Variants in LRIG1 observed in about 807,000 individuals in gnomAD.
The protein encoded by LRIG1 is leucine-rich repeats and immunoglobulin-like domains protein 1.
In LRIG1, 48 loss-of-function variants were observed where a neutral mutation model predicts 99.2. That is an observed-to-expected ratio of 0.48 (90% confidence interval 0.38 to 0.62). LRIG1 has a LOEUF of 0.62. LRIG1 is among the 20% of genes least tolerant of loss of function. The pLI, the probability that LRIG1 is intolerant of heterozygous loss-of-function variation, is 0.00. For synonymous variants in LRIG1, 772 were observed against 596.1 expected, an observed-to-expected ratio of 1.29 and a Z score of -4.30; for missense variants, 1,646 against 1,434.4, an observed-to-expected ratio of 1.15 and a Z score of -2.38.
In LRIG1 at chr3:66,500,291, C is replaced by T; in HGVS notation, c.117G>A (p.Ala39=). Residue 39 remains alanine, a synonymous_variant, in exon 1 of 19, where the codon GCG becomes GCA. Coordinates refer to ENST00000273261, the MANE Select transcript of LRIG1 (RefSeq NM_015541.3). The part of the protein sequence containing the change: ...EPVTAAAGPR[A]PCAAACTCAG... ...CGCAAGTGCAGGCGGCCGCGCAGGG[C>T]GCCCGCGGGCCGGCCGCGGCGGTCA... is the stretch of plus-strand genomic sequence containing the variant. 1.4e-6 allele frequency: 2 copies of T among 1,473,730 alleles called. No individual in the cohort carries two copies. The highest frequency in any genetic ancestry group is 1.8e-6 in the Non-Finnish European group (2 of 1,118,364). The allele number at this position is 1,473,730 out of a possible 1,614,324, so 91.3% of individuals were successfully genotyped here.
intron 3 of LRIG1, among the ~76,000 whole-genome samples, chr3:66,436,446 T>A (rs897479412): frequency 2.6e-5 from 4 of 152,198 alleles, no homozygotes; most frequent in Non-Finnish European, 5.9e-5. Context: ...TCGGCTTGCT[T>A]TGGCATTTGC....
intron 1 of LRIG1, among the ~76,000 whole-genome samples, chr3:66,477,831 T>C (rs565050454): frequency 1.5e-5 from 2 of 136,258 alleles, no homozygotes; most frequent in Admixed American, 7.7e-5. Flanking sequence ...AATAAAGCCT[T>C]CTCCAGCAAC....
chr3:66,440,264 C>G (rs1045156237), intron 3 of LRIG1, among the ~76,000 whole-genome samples: 5 of 152,150 alleles, frequency 3.3e-5, no homozygotes, highest in African/African-American at 1.2e-4. Context: ...TTTGATTTAA[C>G]TGCCCTGAGA....
In LRIG1 at chr3:66,410,174, C is replaced by T. The variant is rs373112316; in HGVS notation, c.890G>A (p.Arg297His). 10 of 1,613,926 alleles carry T rather than the reference C, an allele frequency of 6.2e-6. No homozygotes were observed. The highest frequency in any genetic ancestry group is 1.6e-4 in the Middle Eastern group (1 of 6,074). ...GAAGCTCCAGCCCTTGCGGTGAATG[C>T]GAGCGATGGAATTGTTGCTGAGGTG... is the stretch of plus-strand genomic sequence containing the variant. The part of the protein sequence containing the change: ...QLHLSNNSIA[R>H]IHRKGWSFCQ... The change falls in exon 7 of 19, where the codon CGC becomes CAC. Residue 297 changes from arginine to histidine, a missense_variant. Physicochemically the swap from Arg to His is conservative, Grantham distance 29. Transcript: ENST00000273261.
At chr3:66,419,249 C>T (rs1702724153) in intron 3 of LRIG1, among the ~76,000 whole-genome samples, 1 of 152,168 alleles carries the variant, frequency 6.6e-6, no homozygotes, top group Admixed American at 6.5e-5. Flanking sequence ...CAGTTCTGTC[C>T]TCTCCCCACC....
chr3:66,441,685 A>G (rs1703545680), intron 3 of LRIG1, among the ~76,000 whole-genome samples: 1 of 152,218 alleles, frequency 6.6e-6, no homozygotes, highest in Non-Finnish European at 1.5e-5. Context: ...AGTATCATCG[A>G]AGCCTCTGGG....
At chr3:66,441,012 C>T (rs1703519398) in intron 3 of LRIG1, among the ~76,000 whole-genome samples, 1 of 152,144 alleles carries the variant, frequency 6.6e-6, no homozygotes, top group Admixed American at 6.5e-5. Flanking sequence ...CTTTGTCCTA[C>T]CGCTACGTGG....
At chr3:66,493,476 C>T (rs188893016) in intron 1 of LRIG1, among the ~76,000 whole-genome samples, 15 of 152,304 alleles carry the variant, frequency 9.8e-5, no homozygotes, top group South Asian at 4.1e-4. Context: ...ACATGAGGTT[C>T]ACTTGTGGCA....
intron 5 of LRIG1, among the ~76,000 whole-genome samples, chr3:66,414,350 T>C (rs1702557335): frequency 6.6e-6 from 1 of 151,532 alleles, no homozygotes; most frequent in Non-Finnish European, 1.5e-5. Flanking sequence ...TGAGCTGAGA[T>C]CACACCACTG....
At chr3:66,496,448 G>C (rs1337668574) in intron 1 of LRIG1, among the ~76,000 whole-genome samples, 1 of 152,138 alleles carries the variant, frequency 6.6e-6, no homozygotes, top group Non-Finnish European at 1.5e-5. Flanking sequence ...CTCAAAAAAA[G>C]TTGTCAGAGA....
chr3:66,407,280 A>C (rs1372249915), intron 8 of LRIG1, 68 bp downstream of exon 8: 32 of 1,547,340 alleles, frequency 2.1e-5, no homozygotes, highest in African/African-American at 5.4e-5. Flanking sequence ...TCAACAAAGC[A>C]GATGGTTTGC....
chr3:66,399,845 G>A (rs1701993109), intron 9 of LRIG1, among the ~76,000 whole-genome samples: 1 of 152,222 alleles, frequency 6.6e-6, no homozygotes, highest in African/African-American at 2.4e-5. Flanking sequence ...CTTCCCAAAA[G>A]AGGCAAGAAG....
intron 1 of LRIG1, chr3:66,469,040 C>T (rs577531366): frequency 8.5e-5 from 13 of 152,188 alleles, no homozygotes; most frequent in African/African-American, 2.9e-4. Flanking sequence ...ACTGAACAAG[C>T]GGATAATGCA....
intron 3 of LRIG1, among the ~76,000 whole-genome samples, chr3:66,449,950 C>G (rs538514704): frequency 3.8e-4 from 58 of 152,170 alleles, no homozygotes; most frequent in Non-Finnish European, 7.6e-4. Context: ...CTAACAAGCT[C>G]GAAGCTAACT....
chr3:66,417,144 G>A lies in LRIG1; in HGVS notation c.488C>T (p.Pro163Leu), dbSNP rs146856805. ...EVRNTCFPHG[P>L]PIKELNLAGN... ...AGGCACTTACAGCTCCTTTATAGGC[G>A]GTCCGTGTGGAAAGCAGGTGTTCCG... The change falls in exon 4 of 19, where the codon CCG (proline) becomes CTG (leucine). Residue 163 changes from proline (P) to leucine (L), a missense_variant. Coordinates refer to ENST00000273261, the MANE Select transcript of LRIG1 (RefSeq NM_015541.3). 130 of 1,614,116 alleles carry A rather than the reference G, an allele frequency of 8.1e-5. 1 individual carries two copies. Among genetic ancestry groups the A allele is most frequent in the Non-Finnish European group, 4.4e-5 (52 of 1,179,992 alleles).
chr3:66,400,182 C>T (rs1702003040), intron 9 of LRIG1, among the ~76,000 whole-genome samples: 1 of 152,246 alleles, frequency 6.6e-6, no homozygotes, highest in African/African-American at 2.4e-5. Context: ...AAAGTCTGCG[C>T]CCCTGCAGAA....
At chr3:66,402,720 C>G (rs148386366) in intron 9 of LRIG1, among the ~76,000 whole-genome samples, 1 of 152,182 alleles carries the variant, frequency 6.6e-6, no homozygotes, top group Admixed American at 6.5e-5. Context: ...GACGGATCAG[C>G]TGCTCTAGAG....
intron 9 of LRIG1, among the ~76,000 whole-genome samples, chr3:66,401,940 C>T (rs946767377): frequency 2.0e-5 from 3 of 152,182 alleles, no homozygotes; most frequent in Non-Finnish European, 4.4e-5. Context: ...GGTCCTTGTA[C>T]TCATGTCCTT....
intron 4 of LRIG1, among the ~76,000 whole-genome samples, chr3:66,416,115 C>G (rs11928023): frequency 0.19 from 29,453 of 152,156 alleles, 2,945 homozygotes; most frequent in Admixed American, 0.26. Context: ...AAGTCCCTCC[C>G]ACTTTTGTGC....
Sources: allele counts gnomAD v4.1 joint callset (sites outside exome capture counted in the v4.1 genomes callset), GRCh38; gene constraint gnomAD v4.1.1; transcripts MANE v1.5; gene names NCBI Gene and HGNC (gene_info 2026-07-23, HGNC 2026-07-21).